Variants in STK3 observed in about 807,000 individuals in gnomAD.
STK3 encodes serine/threonine-protein kinase 3.
STK3 carries 41 observed loss-of-function variants against 58.0 expected under a neutral mutation model. That is an observed-to-expected ratio of 0.71 (90% CI 0.55 to 0.92). STK3 has a LOEUF of 0.92. Ranked by LOEUF, STK3 falls within the 40% of genes least tolerant of loss-of-function variation. The probability of loss-of-function intolerance (pLI) is 0.00; values close to 1 mark genes in which losing one functional copy is unlikely to be tolerated. For synonymous variants in STK3, 170 were observed against 191.0 expected (o/e 0.89, Z 0.91); for missense variants, 479 against 602.7 (o/e 0.79, Z 2.15).
chr8:98,433,444 T>C (rs1818374190), intron 3 of STK3, among the ~76,000 whole-genome samples: 2 of 152,142 alleles, frequency 1.3e-5, no homozygotes, highest in Admixed American at 1.3e-4. Flanking sequence ...AGACTGAGTA[T>C]GGGCCGGTCC....
chr8:98,792,703 A>G (rs922945887), intron 1 of STK3, among the ~76,000 whole-genome samples: 3 of 152,202 alleles, frequency 2.0e-5, no homozygotes, highest in African/African-American at 7.2e-5. Flanking sequence ...CTCCGTCTCA[A>G]AGAAAAAAAA....
chr8:98,400,143 A>G (rs1053051804), downstream of STK3, among the ~76,000 whole-genome samples: 2 of 152,150 alleles, frequency 1.3e-5, no homozygotes, highest in Admixed American at 6.5e-5. Context: ...GAGATGCAAG[A>G]ATGCAGAGTC....
chr8:98,579,595 ATATTT>A, intron 8 of STK3, 64 bp downstream of exon 8: 2 of 1,533,078 alleles, frequency 1.3e-6, no homozygotes, highest in South Asian at 2.4e-5. Flanking sequence ...TGCTTTTAAT[ATATTT>A]TAACAGAATT....
chr8:98,607,465 T>G (rs148537343), intron 6 of STK3, among the ~76,000 whole-genome samples: 4 of 152,234 alleles, frequency 2.6e-5, no homozygotes, highest in African/African-American at 9.6e-5. Context: ...CATTCACAAT[T>G]TTTTTGAATC....
At chr8:98,464,286 C>T (rs1007889102) in intron 10 of STK3, among the ~76,000 whole-genome samples, 1 of 152,030 alleles carries the variant, frequency 6.6e-6, no homozygotes, top group African/African-American at 2.4e-5. Context: ...TGGCCTGGAG[C>T]AACATACTCT....
the STK3 span, among the ~76,000 whole-genome samples, chr8:98,347,892 T>G: frequency 6.6e-6 from 1 of 152,194 alleles, no homozygotes; most frequent in African/African-American, 2.4e-5. Flanking sequence ...CCCTGCAAGA[T>G]ATTTTGTAAT....
intron 8 of STK3, among the ~76,000 whole-genome samples, chr8:98,578,249 G>A (rs1239440191): frequency 2.6e-5 from 4 of 152,086 alleles, no homozygotes; most frequent in African/African-American, 9.7e-5. Context: ...AGAACCAAGG[G>A]TCTTTACATC....
intron 10 of STK3, among the ~76,000 whole-genome samples, chr8:98,481,636 G>A (rs1052946196): frequency 7.3e-5 from 11 of 151,690 alleles, no homozygotes; most frequent in African/African-American, 2.4e-4. Context: ...TACACTATTC[G>A]GGTGATGGGT....
At chr8:98,400,569 G>A (rs1460109688), downstream of STK3, among the ~76,000 whole-genome samples, 1 of 152,210 alleles carries the variant, frequency 6.6e-6, no homozygotes, top group Admixed American at 6.5e-5. Flanking sequence ...GGCTTCTCCT[G>A]TTCCATTTCC....
chr8:98,720,366 A>T (rs1827310378), intron 4 of STK3, among the ~76,000 whole-genome samples: 1 of 152,234 alleles, frequency 6.6e-6, no homozygotes, highest in Non-Finnish European at 1.5e-5. Flanking sequence ...ACTACTAAGT[A>T]GCAAACCTCA....
Position 98,677,352 on chromosome 8 carries a change from G to A in STK3, c.684+29115C>T, listed in dbSNP as rs948667738. Among the ~76,000 whole-genome samples the A allele has an allele frequency of 9.0e-5, 5 of 55,534 alleles. No homozygotes were observed. The South Asian group carries it at 2.9e-3, about 33-fold the overall frequency. 36.4% of individuals were successfully genotyped at this position (55,534 alleles called of 152,430 possible). A position where few individuals can be genotyped will look rare whatever the true frequency, so the allele number is the denominator to read the frequency against. On this transcript the variant is annotated intron_variant, in intron 6 of 10. Transcript: ENST00000419617. ...CGCACCCCCACCCCCCGCCCCCACC[G>A]CCACCCAACTTACTCCTCTTCTTGG...
intron 3 of STK3, among the ~76,000 whole-genome samples, chr8:98,410,326 GA>G (rs1818040752): frequency 1.3e-5 from 2 of 152,180 alleles, no homozygotes; most frequent in African/African-American, 2.4e-5. Flanking sequence ...TGGAGATAAT[GA>G]AATAGAGAGC....
intron 3 of STK3, among the ~76,000 whole-genome samples, chr8:98,859,403 T>C (rs907744295): frequency 2.6e-5 from 4 of 152,168 alleles, no homozygotes; most frequent in Non-Finnish European, 2.9e-5. Context: ...TTTTGGCCTA[T>C]ATATAAGTTA....
chr8:98,639,795 C>A (rs540074472), intron 6 of STK3, among the ~76,000 whole-genome samples: 2 of 152,210 alleles, frequency 1.3e-5, no homozygotes, highest in Admixed American at 1.3e-4. Flanking sequence ...GAAACAAAGA[C>A]ACGCCTTTGT....
At chr8:98,577,302 T>C (rs191172768) in intron 8 of STK3, among the ~76,000 whole-genome samples, 18 of 152,024 alleles carry the variant, frequency 1.2e-4, no homozygotes, top group African/African-American at 4.1e-4. Context: ...GCCTGACCAA[T>C]ATGATGAAAC....
intron 1 of STK3, chr8:98,904,704 C>T (rs1264843069): frequency 7.5e-6 from 6 of 802,538 alleles, no homozygotes; most frequent in Non-Finnish European, 1.2e-5. Context: ...AACTCACTCT[C>T]TGGCCCATAA....
intron 1 of STK3, among the ~76,000 whole-genome samples, chr8:98,776,523 TAAA>T (rs1831688720): frequency 1.3e-5 from 2 of 152,104 alleles, no homozygotes; most frequent in South Asian, 4.1e-4. Context: ...AGAATAAAAA[TAAA>T]AACACTTTCT....
At chr8:98,372,146 A>C (rs764437809) in intron 2 of STK3, among the ~76,000 whole-genome samples, 1 of 152,172 alleles carries the variant, frequency 6.6e-6, no homozygotes, top group Non-Finnish European at 1.5e-5. Flanking sequence ...CTGCCATCAG[A>C]AGCTAGGCAA....
rs377003976 is a variant in STK3, at chr8:98,766,571, C to CCA, written c.236+670_236+671dup. Among the ~76,000 whole-genome samples, 1,304 of 152,236 alleles carry CCA rather than the reference C, an allele frequency of 8.6e-3. 9 individuals are homozygous for CCA. Among genetic ancestry groups the CCA allele is most frequent in the African/African-American group, 0.03 (1,228 of 41,534 alleles). ...TAGCTAGAACTACAAGTCCAAGCTA[C>CCA]CACCTGGATAATTTTTTCTTTTTTG... On this transcript the variant is annotated intron_variant, in intron 3 of 10. Transcript: ENST00000419617.
Sources: gnomAD v4.1 joint callset for allele counts (sites outside exome capture counted in the v4.1 genomes callset) on GRCh38, gnomAD v4.1.1 for gene constraint, MANE v1.5 for transcripts, NCBI Gene and HGNC (gene_info 2026-07-23, HGNC 2026-07-21) for gene names.